The following NR6A1 variants were observed in gnomAD, a reference collection of about 807,000 sequenced individuals.
NR6A1 encodes nuclear receptor subfamily 6 group A member 1, also known as retinoic acid receptor-related testis-associated receptor.
A neutral mutation model predicts 59.1 loss-of-function variants in NR6A1; 7 were observed. That is an observed-to-expected ratio of 0.12 (90% confidence interval 0.07 to 0.22). The LOEUF (loss-of-function observed/expected upper bound fraction) is 0.22. Among genes scored for constraint, NR6A1 ranks in the 10% least tolerant of loss-of-function variants. NR6A1 has a pLI of 1.00. For missense variants in NR6A1, 468 were observed against 611.6 expected, an observed-to-expected ratio of 0.77 and a Z score of 2.48; for synonymous variants, 243 against 236.1, an observed-to-expected ratio of 1.03 and a Z score of -0.27.
At chr9:124,649,405 G>T (rs754824948) in intron 2 of NR6A1, among the ~76,000 whole-genome samples, 12 of 152,086 alleles carry the variant, frequency 7.9e-5, no homozygotes, top group Non-Finnish European at 1.8e-4. Flanking sequence ...ATGTCCATAT[G>T]CAGAAGAAAG....
chr9:124,570,413 G>C (rs1286498484), intron 2 of NR6A1, among the ~76,000 whole-genome samples: 1 of 152,154 alleles, frequency 6.6e-6, no homozygotes, highest in Non-Finnish European at 1.5e-5. Context: ...ATGAGAAAAA[G>C]ACAAAAGAAA....
chr9:124,689,393 T>A (rs1275192406), intron 2 of NR6A1, among the ~76,000 whole-genome samples: 1 of 133,816 alleles, frequency 7.5e-6, no homozygotes, highest in Non-Finnish European at 1.6e-5. Context: ...TGAAATTTTT[T>A]AACTATGGTC....
At chr9:124,634,844 CTTTA>C (rs1385694282) in intron 2 of NR6A1, among the ~76,000 whole-genome samples, 1 of 151,982 alleles carries the variant, frequency 6.6e-6, no homozygotes, top group Non-Finnish European at 1.5e-5. Context: ...GAGAGAGAGA[CTTTA>C]TTTCTCAGAG....
At chr9:124,688,057 C>T (rs1023157534) in intron 2 of NR6A1, among the ~76,000 whole-genome samples, 1 of 152,138 alleles carries the variant, frequency 6.6e-6, no homozygotes, top group Non-Finnish European at 1.5e-5. Context: ...CACAGTGGCT[C>T]ATGCCTGGAA....
intron 1 of NR6A1, among the ~76,000 whole-genome samples, chr9:124,750,938 G>A (rs1209532064): frequency 3.3e-5 from 5 of 151,990 alleles, no homozygotes; most frequent in African/African-American, 1.2e-4. Flanking sequence ...ACTCCTTAAG[G>A]TACAAATGGC....
At chr9:124,690,718 A>C (rs1838510848) in intron 2 of NR6A1, among the ~76,000 whole-genome samples, 1 of 152,046 alleles carries the variant, frequency 6.6e-6, no homozygotes, top group African/African-American at 2.4e-5. Context: ...TTTAACCCTT[A>C]ACTTTTTTTA....
chr9:124,692,284 C>T (rs774046565), intron 2 of NR6A1, among the ~76,000 whole-genome samples: 46 of 152,186 alleles, frequency 3.0e-4, no homozygotes, highest in Non-Finnish European at 5.4e-4. Context: ...GTACAAATTA[C>T]TGCACAGTCT....
chr9:124,635,744 T>C (rs943565803), intron 2 of NR6A1, among the ~76,000 whole-genome samples: 4 of 152,352 alleles, frequency 2.6e-5, no homozygotes, highest in South Asian at 2.1e-4. Context: ...TGTCAGGATA[T>C]GCCACTGTTA....
chr9:124,712,480 C>A (rs998926148), intron 2 of NR6A1, among the ~76,000 whole-genome samples: 6 of 151,864 alleles, frequency 4.0e-5, no homozygotes, highest in African/African-American at 9.7e-5. Context: ...AGGTGACACA[C>A]GCCTGTAGTC....
intron 2 of NR6A1, among the ~76,000 whole-genome samples, chr9:124,657,481 G>A (rs1161158781): frequency 6.6e-6 from 1 of 152,138 alleles, no homozygotes; most frequent in Non-Finnish European, 1.5e-5. Flanking sequence ...TCAGAGTCAA[G>A]GTCTCACAAA....
chr9:124,545,313 T>C (rs1393887703), intron 3 of NR6A1, among the ~76,000 whole-genome samples: 1 of 152,218 alleles, frequency 6.6e-6, no homozygotes, highest in Admixed American at 6.5e-5. Context: ...AGTAAGCACT[T>C]AGTAACTAAT....
chr9:124,669,147 G>T (rs1041775855), intron 2 of NR6A1, among the ~76,000 whole-genome samples: 2 of 152,136 alleles, frequency 1.3e-5, no homozygotes, highest in Non-Finnish European at 2.9e-5. Context: ...AGTTGGAACT[G>T]ATGAAATGAA....
intron 2 of NR6A1, among the ~76,000 whole-genome samples, chr9:124,605,202 C>T (rs62581820): frequency 8.5e-4 from 129 of 152,258 alleles, no homozygotes; most frequent in South Asian, 1.7e-3. Flanking sequence ...CATTCATCTA[C>T]ATTACAAGGA....
chr9:124,615,491 A>C (rs1326479061), intron 2 of NR6A1, among the ~76,000 whole-genome samples: 1 of 152,234 alleles, frequency 6.6e-6, no homozygotes, highest in Non-Finnish European at 1.5e-5. Context: ...GAAACTAGCA[A>C]AGGTTATTAT....
intron 2 of NR6A1, among the ~76,000 whole-genome samples, chr9:124,687,762 G>C (rs1588786310): frequency 6.6e-6 from 1 of 152,152 alleles, no homozygotes; most frequent in African/African-American, 2.4e-5. Context: ...AATGGTTGCT[G>C]GGAAAGTGGG....
chr9:124,579,379 T>C (rs1834697498), intron 2 of NR6A1, among the ~76,000 whole-genome samples: 1 of 152,128 alleles, frequency 6.6e-6, no homozygotes, highest in Non-Finnish European at 1.5e-5. Context: ...AGCAAGATCC[T>C]GTCCCTACAA....
At chr9:124,528,279 G>C (rs550438880) in intron 7 of NR6A1, among the ~76,000 whole-genome samples, 1 of 152,150 alleles carries the variant, frequency 6.6e-6, no homozygotes, top group Non-Finnish European at 1.5e-5. Context: ...AGTACCAAGG[G>C]GAGCCTCAGC....
At chr9:124,537,917 A>T (rs1325828909) in intron 6 of NR6A1, among the ~76,000 whole-genome samples, 175 bp downstream of exon 6, 2 of 152,202 alleles carry the variant, frequency 1.3e-5, no homozygotes, top group Admixed American at 1.3e-4. Context: ...ATGCTTAAGG[A>T]AAAAATAAGG....
chr9:124,749,832 T>C lies in NR6A1; in HGVS notation c.101-16483A>G, dbSNP rs145493163. ...ATACCTATTATAAGTTCCACAGGCT[T>C]AGAAGTTCCTCTTCTAGCATTAACA... is the stretch of plus-strand genomic sequence containing the variant. On this transcript the variant is annotated intron_variant, in intron 1 of 9. Transcript: ENST00000487099. 2.7e-3 allele frequency among the ~76,000 whole-genome samples: 415 copies of C among 152,344 alleles called. 1 individual carries two copies. Among genetic ancestry groups the C allele is most frequent in the African/African-American group, 9.0e-3 (375 of 41,580 alleles).
Sources: allele counts gnomAD v4.1 joint callset (sites outside exome capture counted in the v4.1 genomes callset), GRCh38; gene constraint gnomAD v4.1.1; transcripts MANE v1.5; gene names NCBI Gene and HGNC (gene_info 2026-07-23, HGNC 2026-07-21).